PCDHGC3: variants seen among roughly 807,000 people sequenced by gnomAD.
The protein encoded by PCDHGC3 is protocadherin gamma subfamily C, 3.
Under a neutral mutation model 59.2 loss-of-function variants are expected in PCDHGC3, and 26 were observed. The ratio of observed to expected loss-of-function variants is 0.44; its 90% CI spans 0.32 to 0.61. The LOEUF (loss-of-function observed/expected upper bound fraction) is 0.61, where lower values mean the gene tolerates loss of function less well. Among genes scored for constraint, PCDHGC3 ranks in the 20% least tolerant of loss-of-function variants. PCDHGC3 has a pLI of 0.05. For missense variants in PCDHGC3, 1,080 were observed against 1,221.8 expected (o/e 0.88, Z 1.73); for synonymous variants, 487 against 519.7 (o/e 0.94, Z 0.86).
chr5:141,496,533 G>A (rs2099769399), intron 2 of PCDHGC3, among the ~76,000 whole-genome samples: 2 of 152,176 alleles, frequency 1.3e-5, no homozygotes, highest in Admixed American at 1.3e-4. Context: ...GTGTATGGCA[G>A]AGATTCCAGC....
At chr5:141,492,601 C>T (rs1374321466) in intron 1 of PCDHGC3, among the ~76,000 whole-genome samples, 2 of 152,220 alleles carry the variant, frequency 1.3e-5, no homozygotes, top group East Asian at 3.9e-4. Context: ...GGAGCGACTG[C>T]CGCTCTAAGT....
chr5:141,501,302 C>T (rs886901737), intron 2 of PCDHGC3, among the ~76,000 whole-genome samples: 14 of 151,156 alleles, frequency 9.3e-5, no homozygotes, highest in African/African-American at 2.9e-4. Flanking sequence ...CACACACACA[C>T]ACACACACAC....
chr5:141,486,444 T>G lies in PCDHGC3; in HGVS notation c.2430+7898T>G. 1 of 1,614,086 alleles carries G rather than the reference T, an allele frequency of 6.2e-7. No homozygotes were observed. Among genetic ancestry groups the G allele is most frequent in the Non-Finnish European group, 8.5e-7 (1 of 1,179,930 alleles). ...GAGGCCAAATCTAGCTATGACATCA[T>G]GGTCACTGCTTCTGATGCTGGGAAC... On this transcript the variant is annotated intron_variant, in intron 1 of 3. Coordinates refer to ENST00000308177, the MANE Select transcript of PCDHGC3 (RefSeq NM_002588.4). The surrounding 1 kb of genome is among the most constrained non-coding windows in gnomAD (Gnocchi z 5.0).
Position 141,477,626 on chromosome 5 carries a change from G to C in PCDHGC3, c.1510G>C (p.Gly504Arg). The C allele has an allele frequency of 1.2e-6, 2 of 1,614,170 alleles. No homozygotes were observed. Among genetic ancestry groups the C allele is most frequent in the Non-Finnish European group, 1.7e-6 (2 of 1,180,036 alleles). Reference protein sequence around the residue: ...FFLLEQGAETGLVGRYFTINR... With the variant: ...FFLLEQGAETRLVGRYFTINR... ...TCTCTTGGAGCAAGGAGCTGAAACCGGGCTAGTGGGTCGCTATTTCACAAT... is the reference window on the plus strand; with the variant it reads ...TCTCTTGGAGCAAGGAGCTGAAACCCGGCTAGTGGGTCGCTATTTCACAAT... The change falls in exon 1 of 4, where the codon GGG becomes CGG. Residue 504 changes from glycine (G) to arginine (R), a missense_variant. Transcript: ENST00000308177. The surrounding 1 kb of genome is among the most constrained non-coding windows in gnomAD (Gnocchi z 4.9).
chr5:141,504,315 A>G (rs573050088), intron 2 of PCDHGC3, among the ~76,000 whole-genome samples: 1 of 152,248 alleles, frequency 6.6e-6, no homozygotes, highest in East Asian at 1.9e-4. Flanking sequence ...AGTTTCTAAA[A>G]GTCTCACTTA....
Position 141,491,498 on chromosome 5 carries a change from C to T in PCDHGC3, c.2431-3309C>T, listed in dbSNP as rs975297143. 2 of 1,614,102 alleles carry T rather than the reference C, an allele frequency of 1.2e-6. No homozygotes were observed. Among genetic ancestry groups the T allele is most frequent in the Non-Finnish European group, 1.7e-6 (2 of 1,180,018 alleles). ...TCCAGCCCCAACCTGCAGGTGAGCT[C>T]GGACGGCACGCTCAAGTACATGGAG... On this transcript the variant is annotated intron_variant, in intron 1 of 3. Transcript: ENST00000308177. The surrounding 1 kb of genome is among the most constrained non-coding windows in gnomAD (Gnocchi z 6.9).
intron 1 of PCDHGC3, among the ~76,000 whole-genome samples, chr5:141,488,497 C>CA (rs1415483796): frequency 4.6e-5 from 7 of 152,204 alleles, no homozygotes; most frequent in African/African-American, 1.7e-4. Flanking sequence ...CTGTAACACT[C>CA]ATTCCACATT....
chr5:141,500,350 A>G (rs2099799466), intron 2 of PCDHGC3, among the ~76,000 whole-genome samples: 1 of 151,976 alleles, frequency 6.6e-6, no homozygotes, highest in African/African-American at 2.4e-5. Flanking sequence ...CTGGGACTAC[A>G]GGCGCCCACT....
rs772195653 is a variant in PCDHGC3 at position 141,477,704 on chromosome 5, C to A, written c.1588C>A (p.Arg530=). Residue 530 remains arginine, a synonymous_variant, in exon 1 of 4, where the codon CGG becomes AGG. Transcript: ENST00000308177. The surrounding 1 kb of genome is among the most constrained non-coding windows in gnomAD (Gnocchi z 4.9). ...SSLVPLDYED[R]REFELTAHIS... is the part of the protein sequence containing the mutation. ...CTTAGTGCCCCTAGACTATGAGGAT[C>A]GGCGGGAATTTGAATTAACAGCTCA... The A allele has an allele frequency of 5.0e-6, 8 of 1,613,850 alleles. No individual in the cohort carries two copies. Among genetic ancestry groups the A allele is most frequent in the Non-Finnish European group, 5.9e-6 (7 of 1,180,046 alleles).
Position 141,478,221 on chromosome 5 carries a change from C to A in PCDHGC3, c.2105C>A (p.Ser702Tyr). 6.2e-7 allele frequency: 1 copy of A among 1,614,122 alleles called. No individual in the cohort carries two copies. The highest frequency in any genetic ancestry group is 8.5e-7 in the Non-Finnish European group (1 of 1,180,044). ...CTACTTCTTTCTCTAATCCTGGTTT[C>A]TGTGGGGTTTGTGGTCACAGTGTTC... is the stretch of plus-strand genomic sequence containing the variant. Reference protein sequence around the residue: ...FYLLLSLILVSVGFVVTVFGV... With the variant: ...FYLLLSLILVYVGFVVTVFGV... Residue 702 changes from serine (S) to tyrosine (Y), a missense_variant, in exon 1 of 4, where the codon TCT (serine) becomes TAT (tyrosine). Physicochemically the swap from Ser to Tyr is moderately radical, Grantham distance 144 (BLOSUM62 -2). Coordinates refer to ENST00000308177, the MANE Select transcript of PCDHGC3 (RefSeq NM_002588.4).
rs749086929 is a variant in PCDHGC3, at chr5:141,485,998, T to A, written c.2430+7452T>A. ...CAGACCCGGACCTGGGTCCCAGTGG[T>A]AACGTCACCTTTTATTTCAGTGGTC... On this transcript the variant is annotated intron_variant, in intron 1 of 3. Transcript: ENST00000308177. The surrounding 1 kb of genome is among the most constrained non-coding windows in gnomAD (Gnocchi z 5.7). 2.4e-5 allele frequency: 38 copies of A among 1,614,068 alleles called. No individual in the cohort carries two copies. Among genetic ancestry groups the A allele is most frequent in the Non-Finnish European group, 3.1e-5 (37 of 1,180,046 alleles).
chr5:141,477,361 G>A lies in PCDHGC3; in HGVS notation c.1245G>A (p.Leu415=). The A allele has an allele frequency of 6.2e-7, 1 of 1,614,172 alleles. No individual in the cohort carries two copies. The highest frequency in any genetic ancestry group is 8.5e-7 in the Non-Finnish European group (1 of 1,180,032). The part of the protein sequence containing the change: ...NYFTLKTSAD[L]DRETVPEYNL... Reference sequence around the variant, plus strand: ...TCACTTTGAAAACCAGTGCAGACCTGGATCGGGAGACTGTGCCAGAATACA... The same window carrying A: ...TCACTTTGAAAACCAGTGCAGACCTAGATCGGGAGACTGTGCCAGAATACA... Residue 415 remains leucine (L), a synonymous_variant, in exon 1 of 4, where the codon CTG becomes CTA. Coordinates refer to ENST00000308177, the MANE Select transcript of PCDHGC3 (RefSeq NM_002588.4). The surrounding 1 kb of genome is among the most constrained non-coding windows in gnomAD (Gnocchi z 4.9).
chr5:141,489,271 G>A lies in PCDHGC3; in HGVS notation c.2431-5536G>A, dbSNP rs1431562179. The A allele has an allele frequency of 2.4e-5, 37 of 1,554,676 alleles. No individual in the cohort carries two copies. The highest frequency in any genetic ancestry group is 3.0e-5 in the Non-Finnish European group (35 of 1,150,770). ...GCCCAAGACACTCCCACAGCTCGCT[G>A]GGAAATGGCAAGTGCTGTGCATGTT... On this transcript the variant is annotated intron_variant, in intron 1 of 3. Transcript: ENST00000308177. The surrounding 1 kb of genome is among the most constrained non-coding windows in gnomAD (Gnocchi z 4.5).
Position 141,490,330 on chromosome 5 carries a change from C to G in PCDHGC3, c.2431-4477C>G. 4 of 1,614,198 alleles carry G rather than the reference C, an allele frequency of 2.5e-6. No homozygotes were observed. Among genetic ancestry groups the G allele is most frequent in the South Asian group, 1.1e-5 (1 of 91,082 alleles). On this transcript the variant is annotated intron_variant, in intron 1 of 3. Coordinates refer to ENST00000308177, the MANE Select transcript of PCDHGC3 (RefSeq NM_002588.4). This position sits in a 1 kb window ranked among gnomAD's most constrained non-coding sequence, Gnocchi z 5.4. ...GGCCAACCCTGTCCTAGAGAGCACACCAGTGGGCACAGTAGTGGGGTTGTT... is the reference window on the plus strand; with the variant it reads ...GGCCAACCCTGTCCTAGAGAGCACAGCAGTGGGCACAGTAGTGGGGTTGTT...
Position 141,491,273 on chromosome 5 carries a change from G to A in PCDHGC3, c.2431-3534G>A. ...GACCCTGAGGAAATGCCCAAATCCA[G>A]TGACTTCCTCATACACCCTCCTGAG... On this transcript the variant is annotated intron_variant, in intron 1 of 3. Coordinates refer to ENST00000308177, the MANE Select transcript of PCDHGC3 (RefSeq NM_002588.4). This position sits in a 1 kb window ranked among gnomAD's most constrained non-coding sequence, Gnocchi z 6.9. The A allele has an allele frequency of 6.2e-7, 1 of 1,614,182 alleles. No individual in the cohort carries two copies. Among genetic ancestry groups the A allele is most frequent in the South Asian group, 1.1e-5 (1 of 91,082 alleles).
Position 141,486,747 on chromosome 5 carries a change from A to G in PCDHGC3, c.2431-8060A>G, listed in dbSNP as rs750666508. The G allele has an allele frequency of 3.1e-6, 5 of 1,614,210 alleles. No homozygotes were observed. The highest frequency in any genetic ancestry group is 4.2e-6 in the Non-Finnish European group (5 of 1,180,034). On this transcript the variant is annotated intron_variant, in intron 1 of 3. Transcript: ENST00000308177. This position sits in a 1 kb window ranked among gnomAD's most constrained non-coding sequence, Gnocchi z 5.0. Reference sequence around the variant, plus strand: ...GTTCATGCTACTCGATCCTTTGACTATGAGCAAACCCAGACACTGCAGTTT... The same window carrying G: ...GTTCATGCTACTCGATCCTTTGACTGTGAGCAAACCCAGACACTGCAGTTT...
At position 141,487,934 on chromosome 5, in the gene PCDHGC3, C is replaced by G; in HGVS notation, c.2431-6873C>G. 4.9e-6 allele frequency: 3 copies of G among 607,674 alleles called. No individual in the cohort carries two copies. Among genetic ancestry groups the G allele is most frequent in the Non-Finnish European group, 5.8e-6 (2 of 347,576 alleles). The allele number at this position is 607,674 out of a possible 1,614,324, so 37.6% of individuals were successfully genotyped here. A position where few individuals can be genotyped will look rare whatever the true frequency, so the allele number is the denominator to read the frequency against. On this transcript the variant is annotated intron_variant, in intron 1 of 3. Transcript: ENST00000308177. The surrounding 1 kb of genome is among the most constrained non-coding windows in gnomAD (Gnocchi z 5.0). ...ACAGGAGGCTACAGTGCACAGGGTA[C>G]AGTGCACCAGGCAGTCACTTGGACA... is the stretch of plus-strand genomic sequence containing the variant.
At position 141,485,841 on chromosome 5, in the gene PCDHGC3, C is replaced by G. The variant is rs969476505; in HGVS notation, c.2430+7295C>G. On this transcript the variant is annotated intron_variant, in intron 1 of 3. Transcript: ENST00000308177. This position sits in a 1 kb window ranked among gnomAD's most constrained non-coding sequence, Gnocchi z 5.7. Reference sequence around the variant, plus strand: ...GTCGATGGAGGGAACCCGCCGAGATCTGGCACCGCAGAGCTCCGGGTATCC... The same window carrying G: ...GTCGATGGAGGGAACCCGCCGAGATGTGGCACCGCAGAGCTCCGGGTATCC... 29 of 1,614,104 alleles carry G rather than the reference C, an allele frequency of 1.8e-5. No individual in the cohort carries two copies. The highest frequency in any genetic ancestry group is 2.2e-5 in the South Asian group (2 of 91,080).
Position 141,490,140 on chromosome 5 carries a change from G to T in PCDHGC3, c.2431-4667G>T. On this transcript the variant is annotated intron_variant, in intron 1 of 3. Transcript: ENST00000308177. This position sits in a 1 kb window ranked among gnomAD's most constrained non-coding sequence, Gnocchi z 5.4. Reference sequence around the variant, plus strand: ...TCTTTGGCCTAGACCCTAGCAGTGGGGCAATCCATGTGTTGGGTCCCATAG... The same window carrying T: ...TCTTTGGCCTAGACCCTAGCAGTGGTGCAATCCATGTGTTGGGTCCCATAG... 1 of 1,614,206 alleles carries T rather than the reference G, an allele frequency of 6.2e-7. No homozygotes were observed. The highest frequency in any genetic ancestry group is 8.5e-7 in the Non-Finnish European group (1 of 1,180,026).
Sources: gnomAD v4.1 joint callset for allele counts (sites outside exome capture counted in the v4.1 genomes callset) on GRCh38, gnomAD v4.1.1 for gene constraint, Gnocchi (gnomAD v3.1) non-coding constraint, MANE v1.5 for transcripts, NCBI Gene and HGNC (gene_info 2026-07-23, HGNC 2026-07-21) for gene names.